SPG7: variants seen among roughly 807,000 people sequenced by gnomAD.
SPG7 encodes the protein mitochondrial inner membrane m-AAA protease component paraplegin.
In SPG7, 103 loss-of-function variants were observed where a neutral mutation model predicts 81.9. That is an observed-to-expected ratio of 1.26 (90% CI 1.07 to 1.48). The LOEUF is 1.48. Among genes scored for constraint, SPG7 ranks in the 40% most tolerant of loss-of-function variants. The pLI, the probability that SPG7 is intolerant of heterozygous loss-of-function variation, is 0.00. For synonymous variants in SPG7, 534 were observed against 444.2 expected, an observed-to-expected ratio of 1.20 and a Z score of -2.54; for missense variants, 1,241 against 1,087.3, an observed-to-expected ratio of 1.14 and a Z score of -1.99.
At chr16:89,508,637 C>G (rs1389285103) in intron 1 of SPG7, 37 bp downstream of exon 1, 2 of 1,421,896 alleles carry the variant, frequency 1.4e-6, no homozygotes, top group Admixed American at 5.8e-5. Flanking sequence ...ACCTCCCGCC[C>G]GGCTCTGCTC....
chr16:89,543,404 A>C (rs2058524553), intron 9 of SPG7: 1 of 141,530 alleles, frequency 7.1e-6, no homozygotes, highest in Non-Finnish European at 1.5e-5. Context: ...GTACAGTGAC[A>C]CAATCTCGGT....
intron 3 of SPG7, chr16:89,523,622 C>G (rs932706421): frequency 3.8e-5 from 17 of 448,454 alleles, no homozygotes; most frequent in African/African-American, 3.2e-4. Context: ...TTCTCTGTCA[C>G]CCAGGCTGGA....
chr16:89,509,517 G>A (rs567421208), intron 1 of SPG7, among the ~76,000 whole-genome samples: 1 of 152,280 alleles, frequency 6.6e-6, no homozygotes, highest in South Asian at 2.1e-4. Context: ...CCAAAGTGCT[G>A]GGATTACAGG....
At chr16:89,531,845 A>G (rs1437323916) in intron 7 of SPG7, 59 bp from the exon 8 acceptor site, 1 of 1,596,862 alleles carries the variant, frequency 6.3e-7, no homozygotes, top group East Asian at 2.2e-5. Context: ...CCTTACCTCT[A>G]AAAAACAAAA....
intron 11 of SPG7, 59 bp from the exon 12 acceptor site, chr16:89,547,944 C>T: frequency 7.6e-7 from 1 of 1,315,442 alleles, no homozygotes. Flanking sequence ...CCCCTTCCTC[C>T]TCTTAAGCCC....
At chr16:89,537,248 G>C in intron 9 of SPG7, 2 of 1,401,090 alleles carry the variant, frequency 1.4e-6, no homozygotes, top group Non-Finnish European at 1.9e-6. Context: ...TGTTGGTTAC[G>C]TCAGCCGGTC....
At chr16:89,508,739 T>C (rs1186202695) in intron 1 of SPG7, 139 bp downstream of exon 1, 2 of 954,980 alleles carry the variant, frequency 2.1e-6, no homozygotes, top group Non-Finnish European at 3.2e-6. Flanking sequence ...CCCCCAGCTG[T>C]GGACCTCGGC....
intron 1 of SPG7, 76 bp from the exon 2 acceptor site, chr16:89,510,414 C>T (rs996527301): frequency 1.0e-5 from 9 of 893,026 alleles, no homozygotes; most frequent in Middle Eastern, 2.6e-4. Context: ...CTTTTAAAAA[C>T]GATTTTTAGT....
At position 89,546,734 on chromosome 16, in the gene SPG7, T is replaced by G. The variant is rs1253362383; in HGVS notation, c.1526T>G (p.Leu509Arg). 1 of 1,612,846 alleles carries G rather than the reference T, an allele frequency of 6.2e-7. No homozygotes were observed. The highest frequency in any genetic ancestry group is 2.2e-5 in the East Asian group (1 of 44,866). Residue 509 changes from leucine (L) to arginine (R), a missense_variant, in exon 11 of 17, where the codon CTG becomes CGG. Leu to Arg is a moderately radical substitution (Grantham distance 102). Transcript: ENST00000645818. The part of the protein sequence containing the change: ...TQSSTFYSQR[L>R]AELTPGFSGA... ...TCCAGCACCTTTTACTCCCAGCGTC[T>G]GGCAGAGCTGACACCAGGATTCAGT...
At chr16:89,513,077 G>A (rs978927775) in intron 3 of SPG7, 40 bp downstream of exon 3, 2 of 1,565,506 alleles carry the variant, frequency 1.3e-6, no homozygotes, top group Non-Finnish European at 1.7e-6. Flanking sequence ...AGCTGCCTCT[G>A]GATGTCTTTA....
Position 89,553,870 on chromosome 16 carries a change from C to T in SPG7, c.2013C>T (p.Ile671=), listed in dbSNP as rs145344147. The T allele has an allele frequency of 1.1e-5, 17 of 1,613,364 alleles. No individual in the cohort carries two copies. Among genetic ancestry groups the T allele is most frequent in the African/African-American group, 6.7e-5 (5 of 74,950 alleles). The change falls in exon 15 of 17, where the codon ATC becomes ATT. Residue 671 remains isoleucine (I), a synonymous_variant. Transcript: ENST00000645818. ...AGCAGTTTGGGATGGCACCTGGCAT[C>T]GGGCCCATCTCCTTCCCTGAGGCGC... The part of the protein sequence containing the change: ...MVKQFGMAPG[I]GPISFPEAQE...
chr16:89,511,107 A>C (rs2058015789), intron 2 of SPG7, among the ~76,000 whole-genome samples: 2 of 152,198 alleles, frequency 1.3e-5, no homozygotes, highest in Non-Finnish European at 2.9e-5. Context: ...CAAAGTGTTG[A>C]GATCACAGGC....
rs781314016 is a variant in SPG7, at chr16:89,550,605, T to G, written c.1775T>G (p.Met592Arg). The change falls in exon 13 of 17, where the codon ATG becomes AGG. Residue 592 changes from methionine to arginine, a missense_variant. Coordinates refer to ENST00000645818, the MANE Select transcript of SPG7 (RefSeq NM_003119.4). Reference sequence around the variant, plus strand: ...ATGCTGGAGCACACGGAGGCCGTGATGAAGGTGGGTCTTGGCAGGTGCCGG... The same window carrying G: ...ATGCTGGAGCACACGGAGGCCGTGAGGAAGGTGGGTCTTGGCAGGTGCCGG... ...GWMLEHTEAV[M>R]KVSITPRTNA... 5.5e-5 allele frequency: 88 copies of G among 1,611,740 alleles called. No homozygotes were observed. Among genetic ancestry groups the G allele is most frequent in the Non-Finnish European group, 6.9e-5 (81 of 1,178,488 alleles).
At chr16:89,510,743 C>T in intron 2 of SPG7, 151 bp downstream of exon 2, 1 of 669,912 alleles carries the variant, frequency 1.5e-6, no homozygotes, top group East Asian at 2.7e-5. Context: ...GAGCTCACTA[C>T]AGCCTAGAAC....
rs544870132 is a variant in SPG7 at position 89,550,345 on chromosome 16, C to T, written c.1664-149C>T. The T allele has an allele frequency of 2.0e-4, 132 of 668,348 alleles. 2 individuals are homozygous for T. The highest frequency in any genetic ancestry group is 2.0e-3 in the South Asian group (131 of 67,100). The allele number at this position is 668,348 out of a possible 1,614,324, so 41.4% of individuals were successfully genotyped here. ...CCGCCATCACACCTAGCTAATTTTT[C>T]TATTTTTAGTAGGGACGGGGTTTCA... On this transcript the variant is annotated intron_variant, in intron 12 of 16. Coordinates refer to ENST00000645818, the MANE Select transcript of SPG7 (RefSeq NM_003119.4).
intron 13 of SPG7, 121 bp downstream of exon 13, chr16:89,550,730 C>T: frequency 1.4e-6 from 1 of 717,420 alleles, no homozygotes; most frequent in African/African-American, 1.7e-5. Flanking sequence ...GGAGTCCCGC[C>T]TGTGTCTGTA....
At chr16:89,534,607 G>C (rs1490378316) in intron 9 of SPG7, among the ~76,000 whole-genome samples, 1 of 152,246 alleles carries the variant, frequency 6.6e-6, no homozygotes. Context: ...TGGCTGTCTG[G>C]AGTCGTGTGT....
chr16:89,537,830 G>A (rs1232089259), intron 9 of SPG7: 10 of 944,562 alleles, frequency 1.1e-5, no homozygotes, highest in Non-Finnish European at 1.3e-5. Context: ...GTGTGACCCG[G>A]GACACCCCTA....
chr16:89,553,763 A>C (rs755319009), intron 14 of SPG7, 31 bp from the exon 15 acceptor site: 1 of 1,611,576 alleles, frequency 6.2e-7, no homozygotes, highest in Non-Finnish European at 8.5e-7. Flanking sequence ...TGCAGTGCTG[A>C]GGATGCCTCT....
Sources: allele counts gnomAD v4.1 joint callset (sites outside exome capture counted in the v4.1 genomes callset), GRCh38; gene constraint gnomAD v4.1.1; transcripts MANE v1.5; gene names NCBI Gene and HGNC (gene_info 2026-07-23, HGNC 2026-07-21).